Variants in BRWD3 observed in about 807,000 individuals in gnomAD.
BRWD3 encodes bromodomain and WD repeat domain containing 3.
BRWD3 carries 10 observed loss-of-function variants against 149.7 expected under a neutral mutation model. The observed-to-expected ratio is 0.07, with a 90% CI of 0.04 to 0.11. The LOEUF is 0.11. BRWD3 is among the 10% of genes least tolerant of loss of function. The pLI, the probability that BRWD3 is intolerant of heterozygous loss-of-function variation, is 1.00. For missense variants in BRWD3, 940 were observed against 1,373.2 expected (o/e 0.68, Z 4.99); for synonymous variants, 504 against 456.7 (o/e 1.10, Z -1.32).
chrX:80,727,121 T>C (rs2073262567), intron 14 of BRWD3, among the ~76,000 whole-genome samples: 1 of 109,945 alleles, frequency 9.1e-6, no homozygotes, highest in South Asian at 3.9e-4. Flanking sequence ...ATTTATCATC[T>C]GCCATATTTG....
At chrX:80,723,723 T>A (rs761517679) in intron 16 of BRWD3, 25 bp downstream of exon 16, 3 of 1,207,752 alleles carry the variant, frequency 2.5e-6, no homozygotes, top group Non-Finnish European at 3.4e-6. Flanking sequence ...AATTATACTC[T>A]ACAGCAAAAT....
rs1602351987 is a variant in BRWD3 at position 80,722,604 on chromosome X, T to C, written c.1834A>G (p.Lys612Glu). ...QRLVPGRENC[K>E]DEQLIPQLGY... is the part of the protein sequence containing the mutation. ...AGCTGTGGTATAAGCTGTTCATCTT[T>C]ACAATTTTCCCGTCCTGGTACCAAC... Residue 612 changes from lysine to glutamate, a missense_variant, in exon 17 of 41, where the codon AAA becomes GAA. By Grantham distance (56) the Lys-to-Glu change is moderately conservative. Coordinates refer to ENST00000373275, the MANE Select transcript of BRWD3 (RefSeq NM_153252.5). 8.3e-6 allele frequency: 10 copies of C among 1,211,800 alleles called. No homozygotes were observed. Among genetic ancestry groups the C allele is most frequent in the Non-Finnish European group, 1.1e-5 (10 of 895,408 alleles).
intron 18 of BRWD3, among the ~76,000 whole-genome samples, chrX:80,718,139 T>C (rs1448060669): frequency 8.9e-6 from 1 of 111,740 alleles, no homozygotes; most frequent in Non-Finnish European, 1.9e-5. Flanking sequence ...TCCATTACAG[T>C]GTTTCTAGAT....
At chrX:80,707,752 T>C (rs1023389180) in intron 21 of BRWD3, among the ~76,000 whole-genome samples, 2 of 112,220 alleles carry the variant, frequency 1.8e-5, no homozygotes, top group Non-Finnish European at 3.8e-5. Flanking sequence ...AAAGACTCAA[T>C]AGATTTCTTG....
chrX:80,750,548 A>C (rs975365015), intron 6 of BRWD3, among the ~76,000 whole-genome samples: 2 of 111,474 alleles, frequency 1.8e-5, no homozygotes, highest in African/African-American at 6.5e-5. Flanking sequence ...ACCTGTTAGA[A>C]TGGGTATTAT....
chrX:80,745,122 CA>C (rs746417037), intron 7 of BRWD3, among the ~76,000 whole-genome samples: 2 of 109,213 alleles, frequency 1.8e-5, no homozygotes, highest in South Asian at 7.7e-4. Flanking sequence ...GTACTGAAAC[CA>C]AAAAAAAGAT....
chrX:80,734,038 T>C (rs941046574), intron 11 of BRWD3, 80 bp downstream of exon 11: 1 of 720,845 alleles, frequency 1.4e-6, no homozygotes, highest in Non-Finnish European at 2.2e-6. Context: ...TATGTTACTA[T>C]GGTACAGATC....
chrX:80,712,420 G>A (rs1300259215), intron 20 of BRWD3, among the ~76,000 whole-genome samples: 1 of 110,767 alleles, frequency 9.0e-6, no homozygotes, highest in African/African-American at 3.3e-5. Flanking sequence ...CGAGGTGCCG[G>A]GATTGCAGAC....
rs73225394 is a variant in BRWD3 at position 80,687,296 on chromosome X, C to G, written c.3865-293G>C. 0.084 allele frequency among the ~76,000 whole-genome samples: 9,322 copies of G among 110,850 alleles called. 381 individuals carry two copies. The highest frequency in any genetic ancestry group is 0.19 in the South Asian group (494 of 2,607). ...GAACAAATGCTTCTTTCCTCTACAA[C>G]ATCAAGTTATAGAGCCTTAATATTT... On this transcript the variant is annotated intron_variant, in intron 34 of 40. Coordinates refer to ENST00000373275, the MANE Select transcript of BRWD3 (RefSeq NM_153252.5).
chrX:80,783,996 G>T (rs576054371), intron 6 of BRWD3, among the ~76,000 whole-genome samples: 3 of 111,612 alleles, frequency 2.7e-5, no homozygotes, highest in East Asian at 2.8e-4. Flanking sequence ...CAATGAGTAA[G>T]ATCTAGTATT....
At chrX:80,783,153 A>G (rs1303473224) in intron 6 of BRWD3, among the ~76,000 whole-genome samples, 1 of 110,961 alleles carries the variant, frequency 9.0e-6, no homozygotes, top group Non-Finnish European at 1.9e-5. Flanking sequence ...TGGGAGGCAG[A>G]GGCAGGCAAA....
intron 8 of BRWD3, among the ~76,000 whole-genome samples, chrX:80,736,337 AC>A (rs2073404245): frequency 8.9e-6 from 1 of 111,996 alleles, no homozygotes; most frequent in South Asian, 3.6e-4. Context: ...TAAAAAAATT[AC>A]TTTTAAATTA....
At chrX:80,743,077 C>T (rs771714280) in intron 8 of BRWD3, among the ~76,000 whole-genome samples, 2 of 111,655 alleles carry the variant, frequency 1.8e-5, no homozygotes, top group East Asian at 5.6e-4. Flanking sequence ...CCCATGAATA[C>T]CTAATTTATT....
chrX:80,719,907 A>G (rs1041346095), intron 17 of BRWD3, among the ~76,000 whole-genome samples: 8 of 111,869 alleles, frequency 7.2e-5, no homozygotes, highest in Non-Finnish European at 1.3e-4. Flanking sequence ...CAAGTGCTGC[A>G]TAACGACATT....
intron 22 of BRWD3, among the ~76,000 whole-genome samples, chrX:80,706,340 C>T (rs2072864341): frequency 9.0e-6 from 1 of 111,664 alleles, no homozygotes; most frequent in African/African-American, 3.3e-5. Context: ...AACTCCTGAC[C>T]TCAGGTGATC....
At chrX:80,755,262 T>C (rs1222137847) in intron 6 of BRWD3, among the ~76,000 whole-genome samples, 1 of 111,430 alleles carries the variant, frequency 9.0e-6, no homozygotes, top group Non-Finnish European at 1.9e-5. Context: ...AATCTTAATA[T>C]TTTAAAATAC....
intron 6 of BRWD3, among the ~76,000 whole-genome samples, chrX:80,780,733 G>A (rs1176539188): frequency 1.8e-5 from 2 of 112,064 alleles, no homozygotes; most frequent in African/African-American, 3.2e-5. Flanking sequence ...AGAGGAGGAA[G>A]GTGGTAAGTA....
chrX:80,720,799 C>T (rs192137224), intron 17 of BRWD3, among the ~76,000 whole-genome samples: 1 of 111,846 alleles, frequency 8.9e-6, no homozygotes, highest in African/African-American at 3.2e-5. Flanking sequence ...GTGCTTTATA[C>T]AGTCATACCA....
chrX:80,716,617 A>C (rs751723732), intron 19 of BRWD3, among the ~76,000 whole-genome samples: 2 of 112,175 alleles, frequency 1.8e-5, no homozygotes, highest in South Asian at 7.4e-4. Context: ...TTTGCTTAGC[A>C]TGTTTATCCA....
Sources: gnomAD v4.1 joint callset for allele counts (sites outside exome capture counted in the v4.1 genomes callset) on GRCh38, gnomAD v4.1.1 for gene constraint, MANE v1.5 for transcripts, NCBI Gene and HGNC (gene_info 2026-07-23, HGNC 2026-07-21) for gene names.